Variants in ROS1 observed in about 807,000 individuals in gnomAD.
The protein encoded by ROS1 is proto-oncogene tyrosine-protein kinase ROS.
In ROS1, 263 loss-of-function variants were observed where a neutral mutation model predicts 273.5. That is an observed-to-expected ratio of 0.96 (90% CI 0.87 to 1.06). The LOEUF (loss-of-function observed/expected upper bound fraction) is 1.06, where lower values mean the gene tolerates loss of function less well. ROS1 is among the 50% of genes least tolerant of loss of function. ROS1 has a pLI of 0.00. For missense variants in ROS1, 2,833 were observed against 2,751.1 expected, an observed-to-expected ratio of 1.03 and a Z score of -0.67; for synonymous variants, 1,008 against 954.1, an observed-to-expected ratio of 1.06 and a Z score of -1.04.
Position 117,356,661 on chromosome 6 carries a change from C to T in ROS1, c.4094G>A (p.Cys1365Tyr), listed in dbSNP as rs1373192508. The change falls in exon 26 of 44, where the codon TGT becomes TAT. Residue 1365 changes from cysteine (C) to tyrosine (Y), a missense_variant. Physicochemically the swap from Cys to Tyr is radical, Grantham distance 194 (BLOSUM62 -2). Coordinates refer to ENST00000368507, the MANE Select transcript of ROS1 (RefSeq NM_001378902.1). ...AGCAGGTACTGTGATAACTCTCCAA[C>T]ACTGACAGCCTTCCAGATCCATTGC... ...IWAMDLEGCQ[C>Y]WRVITVPAML... is the part of the protein sequence containing the mutation. 1.2e-6 allele frequency: 2 copies of T among 1,614,032 alleles called. No individual in the cohort carries two copies. Among genetic ancestry groups the T allele is most frequent in the East Asian group, 4.5e-5 (2 of 44,880 alleles).
At chr6:117,406,042 G>A (rs1472155975) in intron 5 of ROS1, among the ~76,000 whole-genome samples, 1 of 152,102 alleles carries the variant, frequency 6.6e-6, no homozygotes, top group African/African-American at 2.4e-5. Context: ...CTACTCAGGA[G>A]GCTGAGGCAG....
intron 13 of ROS1, among the ~76,000 whole-genome samples, chr6:117,388,982 G>T (rs1366150514): frequency 2.6e-5 from 4 of 152,108 alleles, no homozygotes; most frequent in Non-Finnish European, 5.9e-5. Context: ...GGAGATTCGA[G>T]TTCAGAGTTT....
chr6:117,359,751 A>T, intron 24 of ROS1, 58 bp downstream of exon 24: 2 of 1,343,636 alleles, frequency 1.5e-6, no homozygotes, highest in Non-Finnish European at 1.1e-6. Flanking sequence ...ACTACAAAGT[A>T]GTGTCATATG....
intron 7 of ROS1, among the ~76,000 whole-genome samples, chr6:117,398,373 T>A (rs917165768): frequency 6.6e-6 from 1 of 152,074 alleles, no homozygotes; most frequent in African/African-American, 2.4e-5. Context: ...AAAGACCCAG[T>A]TAAAAGGCAA....
chr6:117,397,048 C>T lies in ROS1; in HGVS notation c.673G>A (p.Asp225Asn), dbSNP rs1200269574. 1 of 1,613,792 alleles carries T rather than the reference C, an allele frequency of 6.2e-7. No individual in the cohort carries two copies. The highest frequency in any genetic ancestry group is 8.5e-7 in the Non-Finnish European group (1 of 1,179,728). The change falls in exon 8 of 44, where the codon GAT becomes AAT. Residue 225 changes from aspartate to asparagine, a missense_variant. By Grantham distance (23) the Asp-to-Asn change is conservative. Coordinates refer to ENST00000368507, the MANE Select transcript of ROS1 (RefSeq NM_001378902.1). Reference sequence around the variant, plus strand: ...GGTCCACCTGGGAATTGAGGTGGATCCCAGCTGACTTCCACAGTGTCGGGA... The same window carrying T: ...GGTCCACCTGGGAATTGAGGTGGATTCCAGCTGACTTCCACAGTGTCGGGA... ...SSPDTVEVSW[D>N]PPQFPGGPIL...
At position 117,341,519 on chromosome 6, in the gene ROS1, A is replaced by G. The variant is rs3752564; in HGVS notation, c.4765T>C (p.Leu1589=). 14,302 of 1,613,768 alleles carry G rather than the reference A, an allele frequency of 8.9e-3. 451 individuals are homozygous for G. The highest frequency in any genetic ancestry group is 0.071 in the East Asian group (3,195 of 44,870). The change falls in exon 30 of 44, where the codon TTG becomes CTG. Residue 1589 remains leucine (L), a synonymous_variant. Coordinates refer to ENST00000368507, the MANE Select transcript of ROS1 (RefSeq NM_001378902.1). Reference sequence around the variant, plus strand: ...ATTAGGGCCAGGTGTGAGATTGCCAACTGATAACGGACTGATTCTTTAGGT... The same window carrying G: ...ATTAGGGCCAGGTGTGAGATTGCCAGCTGATAACGGACTGATTCTTTAGGT... The part of the protein sequence containing the change: ...NGPKESVRYQ[L]AISHLALIPE...
At position 117,288,006 on chromosome 6, in the gene ROS1, G is replaced by A. The variant is rs936998331; in HGVS notation, c.*486C>T. Among the ~76,000 whole-genome samples, 1 of 152,030 alleles carries A rather than the reference G, an allele frequency of 6.6e-6. No homozygotes were observed. Among genetic ancestry groups the A allele is most frequent in the East Asian group, 1.9e-4 (1 of 5,180 alleles). On this transcript the variant is annotated 3_prime_UTR_variant, in exon 44 of 44. Coordinates refer to ENST00000368507, the MANE Select transcript of ROS1 (RefSeq NM_001378902.1). ...GTGATTTCTCAAGTCACAGGTGCTGGTTTCTTCTGTATGTGTGAAATTATT... is the reference window on the plus strand; with the variant it reads ...GTGATTTCTCAAGTCACAGGTGCTGATTTCTTCTGTATGTGTGAAATTATT...
chr6:117,348,398 T>A (rs1778545440), intron 27 of ROS1, among the ~76,000 whole-genome samples: 1 of 151,990 alleles, frequency 6.6e-6, no homozygotes, highest in South Asian at 2.1e-4. Flanking sequence ...TCCTTGATTA[T>A]CCTTTTAATC....
chr6:117,378,826 G>A (rs1562337101), intron 18 of ROS1, among the ~76,000 whole-genome samples: 1 of 152,246 alleles, frequency 6.6e-6, no homozygotes, highest in Non-Finnish European at 1.5e-5. Flanking sequence ...GGGCTCTTAA[G>A]CAGCATTCTC....
chr6:117,404,181 A>C (rs928408182), intron 6 of ROS1, 99 bp downstream of exon 6: 62 of 1,104,550 alleles, frequency 5.6e-5, no homozygotes, highest in Non-Finnish European at 8.2e-5. Flanking sequence ...AGATCGCGCC[A>C]CTGCACTCCA....
chr6:117,356,736 G>C lies in ROS1; in HGVS notation c.4019C>G (p.Ser1340Cys). 1 of 1,614,156 alleles carries C rather than the reference G, an allele frequency of 6.2e-7. No individual in the cohort carries two copies. ...ELSGAMAIDT[S>C]NLEKPLIYFA... is the part of the protein sequence containing the mutation. Reference sequence around the variant, plus strand: ...GTATATCAATGGTTTCTCTAGGTTAGAGGTATCAATAGCCATTGCTCCACT... The same window carrying C: ...GTATATCAATGGTTTCTCTAGGTTACAGGTATCAATAGCCATTGCTCCACT... The change falls in exon 26 of 44, where the codon TCT becomes TGT. Residue 1340 changes from serine (S) to cysteine (C), a missense_variant. Physicochemically the swap from Ser to Cys is moderately radical, Grantham distance 112 (BLOSUM62 -1). Coordinates refer to ENST00000368507, the MANE Select transcript of ROS1 (RefSeq NM_001378902.1).
intron 32 of ROS1, among the ~76,000 whole-genome samples, chr6:117,333,929 C>G (rs757468373): frequency 9.9e-5 from 15 of 151,998 alleles, no homozygotes; most frequent in Non-Finnish European, 2.1e-4. Context: ...CTTTGAAAAC[C>G]AGTACAAGAC....
chr6:117,409,275 G>T (rs1774701858), intron 5 of ROS1, among the ~76,000 whole-genome samples: 1 of 151,988 alleles, frequency 6.6e-6, no homozygotes. Flanking sequence ...CATCAAGTCT[G>T]CTCAGGATGT....
Position 117,342,457 on chromosome 6 carries a change from C to G in ROS1, c.4594G>C (p.Asp1532His), listed in dbSNP as rs2128623886. ...CCTGGTGGTAAATGTTCCAAAGGAT[C>G]TGAATAATAATTTTTTACAGCTATC... ...IQIAVKNYYS[D>H]PLEHLPPGKE... is the part of the protein sequence containing the mutation. Residue 1532 changes from aspartate (D) to histidine (H), a missense_variant, in exon 29 of 44, where the codon GAT (aspartate) becomes CAT (histidine). Coordinates refer to ENST00000368507, the MANE Select transcript of ROS1 (RefSeq NM_001378902.1). 1 of 1,611,144 alleles carries G rather than the reference C, an allele frequency of 6.2e-7. No individual in the cohort carries two copies. The highest frequency in any genetic ancestry group is 8.5e-7 in the Non-Finnish European group (1 of 1,178,098).
At chr6:117,299,824 T>C (rs1774545413) in intron 43 of ROS1, among the ~76,000 whole-genome samples, 1 of 152,246 alleles carries the variant, frequency 6.6e-6, no homozygotes. Context: ...AATGTGACTT[T>C]AGAAATGAAT....
At chr6:117,317,055 C>A in intron 39 of ROS1, 88 bp downstream of exon 39, 1 of 1,374,856 alleles carries the variant, frequency 7.3e-7, no homozygotes. Flanking sequence ...GGTTTTACCA[C>A]TGCAGCCTAT....
At chr6:117,393,174 T>A in intron 12 of ROS1, 50 bp downstream of exon 12, 2 of 1,085,226 alleles carry the variant, frequency 1.8e-6, no homozygotes, top group African/African-American at 3.1e-5. Flanking sequence ...TTCTCAAAGA[T>A]TATTTATTCC....
intron 18 of ROS1, among the ~76,000 whole-genome samples, chr6:117,375,036 T>C (rs1257611826): frequency 6.6e-6 from 1 of 152,114 alleles, no homozygotes; most frequent in African/African-American, 2.4e-5. Context: ...ATTGCAAAAA[T>C]ATGGAACCAG....
chr6:117,317,121 A>G, intron 39 of ROS1, 22 bp downstream of exon 39: 1 of 1,603,700 alleles, frequency 6.2e-7, no homozygotes. Context: ...TGAAACCAAT[A>G]TTATGGATCC....
Sources: allele counts gnomAD v4.1 joint callset (sites outside exome capture counted in the v4.1 genomes callset), GRCh38; gene constraint gnomAD v4.1.1; transcripts MANE v1.5; gene names NCBI Gene and HGNC (gene_info 2026-07-23, HGNC 2026-07-21).